RHOBTB3: variants seen among roughly 807,000 people sequenced by gnomAD.
RHOBTB3 encodes rho-related BTB domain-containing protein 3.
A neutral mutation model predicts 67.2 loss-of-function variants in RHOBTB3; 47 were observed. The observed-to-expected ratio is 0.70, with a 90% CI of 0.55 to 0.89. The LOEUF (loss-of-function observed/expected upper bound fraction) is 0.89, where lower values mean the gene tolerates loss of function less well. RHOBTB3 is among the 40% of genes least tolerant of loss of function. The pLI is 0.00. For missense variants in RHOBTB3, 631 were observed against 750.0 expected (o/e 0.84, Z 1.85); for synonymous variants, 273 against 274.2 (o/e 1.00, Z 0.04).
intron 1 of RHOBTB3, among the ~76,000 whole-genome samples, chr5:95,722,178 G>T (rs1754903978): frequency 6.6e-6 from 1 of 152,176 alleles, no homozygotes. Flanking sequence ...GGCCATAGCA[G>T]AGATGCATGT....
chr5:95,754,495 A>G (rs1745187278), intron 5 of RHOBTB3, among the ~76,000 whole-genome samples: 1 of 152,152 alleles, frequency 6.6e-6, no homozygotes, highest in South Asian at 2.1e-4. Context: ...GGAATCAAGC[A>G]TTTTTATTGC....
rs376057591 is a variant in RHOBTB3, at chr5:95,732,024, C to T, written c.168C>T (p.Thr56=). The T allele has an allele frequency of 9.3e-6, 15 of 1,614,192 alleles. No individual in the cohort carries two copies. Among genetic ancestry groups the T allele is most frequent in the East Asian group, 2.2e-5 (1 of 44,874 alleles). The part of the protein sequence containing the change: ...AASTVARPVF[T]EYQASAFGNV... The stretch of plus-strand genomic sequence containing the variant: ...GCACGGTCGCGCGTCCGGTGTTCAC[C>T]GAGTATCAGGCCAGTGCGTTTGGGA... The change falls in exon 2 of 12, where the codon ACC becomes ACT. Residue 56 remains threonine, a synonymous_variant. Coordinates refer to ENST00000379982, the MANE Select transcript of RHOBTB3 (RefSeq NM_014899.4).
chr5:95,765,884 G>A (rs190087721), intron 7 of RHOBTB3, among the ~76,000 whole-genome samples: 1 of 152,186 alleles, frequency 6.6e-6, no homozygotes, highest in East Asian at 1.9e-4. Flanking sequence ...GGATGGTCTC[G>A]ATCTCCTGAC....
chr5:95,783,868 T>TGTGAGCTGTTCATCATTACCCA lies in RHOBTB3; in HGVS notation c.1530_1551dup (p.Leu518Ter), dbSNP rs1274928285. 1.2e-6 allele frequency: 2 copies of TGTGAGCTGTTCATCATTACCCA among 1,614,018 alleles called. No individual in the cohort carries two copies. Among genetic ancestry groups the TGTGAGCTGTTCATCATTACCCA allele is most frequent in the Non-Finnish European group, 1.7e-6 (2 of 1,179,916 alleles). ...CCAAGTGTCCAGACTGCAGCACATCTGTGAGCTGTTCATCATTACCCAGCT... is the reference window on the plus strand; with the variant it reads ...CCAAGTGTCCAGACTGCAGCACATCTGTGAGCTGTTCATCATTACCCAGTGAGCTGTTCATCATTACCCAGCT... On this transcript the variant is annotated frameshift_variant, in exon 10 of 12. Transcript: ENST00000379982. LOFTEE classifies it high-confidence loss of function.
chr5:95,791,715 T>G (rs1303447794), intron 11 of RHOBTB3, among the ~76,000 whole-genome samples: 1 of 147,974 alleles, frequency 6.8e-6, no homozygotes, highest in Non-Finnish European at 1.5e-5. Flanking sequence ...TTTCTTTTCT[T>G]TTTTTTTTTT....
intron 1 of RHOBTB3, among the ~76,000 whole-genome samples, chr5:95,724,655 G>A (rs935295307): frequency 2.6e-5 from 4 of 152,076 alleles, no homozygotes; most frequent in African/African-American, 7.2e-5. Flanking sequence ...TAGTAGAGAC[G>A]GGGTTTCAAC....
rs567572618 is a variant in RHOBTB3, at chr5:95,741,041, T to A, written c.415+3966T>A. Among the ~76,000 whole-genome samples, 198 of 152,258 alleles carry A rather than the reference T, an allele frequency of 1.3e-3. 1 individual carries two copies. Among genetic ancestry groups the A allele is most frequent in the African/African-American group, 4.5e-3 (187 of 41,556 alleles). On this transcript the variant is annotated intron_variant, in intron 3 of 11. Coordinates refer to ENST00000379982, the MANE Select transcript of RHOBTB3 (RefSeq NM_014899.4). ...TACATTTTTACTATTATTTAAGATA[T>A]AATCTGGCCAGGCGCAGTGGCTCAC...
intron 7 of RHOBTB3, among the ~76,000 whole-genome samples, chr5:95,767,549 G>C (rs1192346472): frequency 2.0e-5 from 3 of 152,078 alleles, no homozygotes; most frequent in African/African-American, 7.2e-5. Context: ...TGTTGGCCAG[G>C]CTGGTCTCAA....
intron 9 of RHOBTB3, among the ~76,000 whole-genome samples, chr5:95,780,857 C>G (rs1470187288): frequency 1.3e-5 from 2 of 152,248 alleles, no homozygotes; most frequent in East Asian, 3.9e-4. Context: ...TAAGGACTTT[C>G]AATATTCTGA....
At chr5:95,738,049 T>C (rs934679490) in intron 3 of RHOBTB3, among the ~76,000 whole-genome samples, 1 of 152,248 alleles carries the variant, frequency 6.6e-6, no homozygotes, top group Non-Finnish European at 1.5e-5. Context: ...GTTGTGTTTA[T>C]CTGTAGTTTG....
intron 8 of RHOBTB3, among the ~76,000 whole-genome samples, chr5:95,776,457 A>G (rs1745885379): frequency 6.6e-6 from 1 of 152,044 alleles, no homozygotes; most frequent in African/African-American, 2.4e-5. Flanking sequence ...AATGTAATTT[A>G]TTTTATAATT....
chr5:95,766,523 A>G (rs572512794), intron 7 of RHOBTB3, among the ~76,000 whole-genome samples: 19 of 152,022 alleles, frequency 1.2e-4, no homozygotes, highest in Admixed American at 2.0e-4. Flanking sequence ...TTATTATTTC[A>G]TCATCATTTG....
At chr5:95,735,863 G>C (rs1561438968) in intron 2 of RHOBTB3, among the ~76,000 whole-genome samples, 2 of 152,180 alleles carry the variant, frequency 1.3e-5, no homozygotes, top group South Asian at 4.1e-4. Context: ...CACTTTGGGA[G>C]ACCGAAGTGG....
chr5:95,770,719 G>A (rs1368234001), intron 8 of RHOBTB3: 2 of 431,398 alleles, frequency 4.6e-6, no homozygotes, highest in Admixed American at 2.2e-5. Context: ...CTAGAATAGG[G>A]CTTGACATTT....
At chr5:95,727,085 G>A (rs181561062), upstream of RHOBTB3, among the ~76,000 whole-genome samples, 9 of 151,754 alleles carry the variant, frequency 5.9e-5, no homozygotes, top group African/African-American at 1.2e-4. Context: ...TAAAAATTGC[G>A]TTTGTTTTTA....
At chr5:95,747,101 A>C (rs975035745) in intron 3 of RHOBTB3, among the ~76,000 whole-genome samples, 4 of 152,100 alleles carry the variant, frequency 2.6e-5, no homozygotes, top group Non-Finnish European at 2.9e-5. Flanking sequence ...CTTTCCATGC[A>C]TTACTCTGTG....
intron 3 of RHOBTB3, among the ~76,000 whole-genome samples, chr5:95,741,353 AAAG>A (rs1755592293): frequency 1.3e-5 from 2 of 151,432 alleles, no homozygotes; most frequent in South Asian, 4.1e-4. Context: ...AAGAAAAAAA[AAAG>A]AGATAGAATC....
At chr5:95,758,691 T>G (rs1745314961) in intron 6 of RHOBTB3, among the ~76,000 whole-genome samples, 1 of 152,200 alleles carries the variant, frequency 6.6e-6, no homozygotes, top group Non-Finnish European at 1.5e-5. Flanking sequence ...CCATTGGCCC[T>G]TCATCGTCTA....
At chr5:95,747,107 C>T (rs1744944578) in intron 3 of RHOBTB3, among the ~76,000 whole-genome samples, 1 of 152,182 alleles carries the variant, frequency 6.6e-6, no homozygotes, top group Non-Finnish European at 1.5e-5. Context: ...ATGCATTACT[C>T]TGTGCTGATG....
Sources: gnomAD v4.1 joint callset for allele counts (sites outside exome capture counted in the v4.1 genomes callset) on GRCh38, gnomAD v4.1.1 for gene constraint, MANE v1.5 for transcripts, NCBI Gene and HGNC (gene_info 2026-07-23, HGNC 2026-07-21) for gene names.